SCRG1: variants seen among roughly 807,000 people sequenced by gnomAD.
The protein encoded by SCRG1 is stimulator of chondrogenesis 1.
A neutral mutation model predicts 7.7 loss-of-function variants in SCRG1; 3 were observed. The observed-to-expected ratio is 0.39, with a 90% CI of 0.18 to 1.01. The LOEUF (loss-of-function observed/expected upper bound fraction) is 1.01, where lower values mean the gene tolerates loss of function less well. SCRG1 is among the 50% of genes least tolerant of loss of function. SCRG1 has a pLI of 0.36. For synonymous variants in SCRG1, 46 were observed against 41.2 expected (o/e 1.12, Z -0.44); for missense variants, 110 against 117.2 (o/e 0.94, Z 0.28).
At chr4:173,437,397 C>T in the SCRG1 span, among the ~76,000 whole-genome samples, 11 of 152,284 alleles carry the variant, frequency 7.2e-5, no homozygotes, top group Non-Finnish European at 1.0e-4. Flanking sequence ...CAGTACTTAA[C>T]GCAATAACTT....
At chr4:173,484,947 A>ATT in the SCRG1 span, among the ~76,000 whole-genome samples, 2 of 62,872 alleles carry the variant, frequency 3.2e-5, no homozygotes, top group East Asian at 5.8e-4. Flanking sequence ...TATATATTAT[A>ATT]TATAATATTA....
the SCRG1 span, among the ~76,000 whole-genome samples, chr4:173,485,090 AT>A: frequency 2.6e-5 from 1 of 38,536 alleles, no homozygotes; most frequent in Non-Finnish European, 3.9e-5. Flanking sequence ...ATAATATATT[AT>A]ATATTATATA....
chr4:173,488,391 A>C, the SCRG1 span, among the ~76,000 whole-genome samples: 1 of 152,152 alleles, frequency 6.6e-6, no homozygotes, highest in Non-Finnish European at 1.5e-5. Context: ...ATGGGCATGC[A>C]GGGGGAAATC....
chr4:173,439,443 AG>A, the SCRG1 span, among the ~76,000 whole-genome samples: 1 of 151,926 alleles, frequency 6.6e-6, no homozygotes, highest in Non-Finnish European at 1.5e-5. Context: ...TGGGCCTGAG[AG>A]GTCAAGGCTG....
Position 173,388,251 on chromosome 4 carries a change from C to A in SCRG1, c.*90G>T. Reference sequence around the variant, plus strand: ...AATTTATAGAATCTATGCTCTATTGCACTATATAGAAACTAGAAATGCAGT... The same window carrying A: ...AATTTATAGAATCTATGCTCTATTGAACTATATAGAAACTAGAAATGCAGT... On this transcript the variant is annotated 3_prime_UTR_variant, in exon 3 of 3. Transcript: ENST00000296506. The A allele has an allele frequency of 1.2e-6, 1 of 809,898 alleles. No individual in the cohort carries two copies. The highest frequency in any genetic ancestry group is 2.0e-6 in the Non-Finnish European group (1 of 495,732). 50.2% of individuals were successfully genotyped at this position (809,898 alleles called of 1,614,324 possible).
At chr4:173,437,659 T>C in the SCRG1 span, among the ~76,000 whole-genome samples, 2 of 152,188 alleles carry the variant, frequency 1.3e-5, no homozygotes, top group Non-Finnish European at 2.9e-5. Flanking sequence ...AAAAGCTGTA[T>C]CAGAAGCTAG....
chr4:173,494,372 C>T, the SCRG1 span, among the ~76,000 whole-genome samples: 1 of 152,222 alleles, frequency 6.6e-6, no homozygotes, highest in Non-Finnish European at 1.5e-5. Context: ...GCACACAGGA[C>T]ATTCCGTTTT....
chr4:173,421,694 T>C, the SCRG1 span, among the ~76,000 whole-genome samples: 1 of 152,214 alleles, frequency 6.6e-6, no homozygotes, highest in Admixed American at 6.5e-5. Flanking sequence ...AGATGCCATA[T>C]TTGAAAGGAT....
chr4:173,435,902 G>A, the SCRG1 span, among the ~76,000 whole-genome samples: 1 of 152,114 alleles, frequency 6.6e-6, no homozygotes, highest in African/African-American at 2.4e-5. Flanking sequence ...TAAGAATAAT[G>A]TGAATTTACA....
the SCRG1 span, among the ~76,000 whole-genome samples, chr4:173,459,726 T>A: frequency 6.6e-6 from 1 of 151,958 alleles, no homozygotes; most frequent in Non-Finnish European, 1.5e-5. Flanking sequence ...AGGTAGAAAG[T>A]AGGATGATGA....
At chr4:173,396,151 G>T (rs904038428) in intron 1 of SCRG1, among the ~76,000 whole-genome samples, 3 of 152,218 alleles carry the variant, frequency 2.0e-5, no homozygotes, top group Non-Finnish European at 4.4e-5. Context: ...GTTGTCATTT[G>T]TTGAACTGAG....
the SCRG1 span, among the ~76,000 whole-genome samples, chr4:173,461,615 A>G: frequency 9.2e-5 from 14 of 152,220 alleles, no homozygotes; most frequent in Non-Finnish European, 1.9e-4. Flanking sequence ...CTCAGATAGT[A>G]AAGACTACAA....
the SCRG1 span, among the ~76,000 whole-genome samples, chr4:173,483,249 C>CATATTTTATATATA: frequency 1.9e-5 from 1 of 52,246 alleles, no homozygotes; most frequent in African/African-American, 9.9e-5. Context: ...TATGATATAT[C>CATATTTTATATATA]ATATATGATA....
the SCRG1 span, among the ~76,000 whole-genome samples, chr4:173,425,357 G>T: frequency 4.1e-4 from 63 of 152,328 alleles, no homozygotes; most frequent in African/African-American, 1.5e-3. Flanking sequence ...TGTTCAAAAA[G>T]ATCACTGTAT....
At chr4:173,502,064 G>A in the SCRG1 span, among the ~76,000 whole-genome samples, 1 of 152,094 alleles carries the variant, frequency 6.6e-6, no homozygotes, top group Non-Finnish European at 1.5e-5. The surrounding 1 kb of genome is among the most constrained non-coding windows in gnomAD (Gnocchi z 4.6). Context: ...ATTACTTCTC[G>A]TGCTGCACTT....
the SCRG1 span, among the ~76,000 whole-genome samples, chr4:173,445,187 A>G: frequency 6.6e-5 from 10 of 152,234 alleles, no homozygotes; most frequent in Non-Finnish European, 1.2e-4. Flanking sequence ...CAATATAATT[A>G]GCTACTCCAA....
At chr4:173,503,144 C>T in the SCRG1 span, among the ~76,000 whole-genome samples, 2 of 152,140 alleles carry the variant, frequency 1.3e-5, no homozygotes, top group Non-Finnish European at 2.9e-5. The surrounding 1 kb of genome is among the most constrained non-coding windows in gnomAD (Gnocchi z 6.4). Flanking sequence ...GTCCACCTCT[C>T]GGTTTAGGCC....
chr4:173,469,033 A>T, the SCRG1 span: 1 of 152,204 alleles, frequency 6.6e-6, no homozygotes, highest in Middle Eastern at 3.2e-3. Context: ...GCAGTGATCC[A>T]AGTAACTTAA....
At chr4:173,403,356 A>T (rs1416757023), upstream of SCRG1, 3 of 152,150 alleles carry the variant, frequency 2.0e-5, no homozygotes, top group Non-Finnish European at 4.4e-5. Flanking sequence ...CAGATGGGCA[A>T]CCCTGGCTAT....
Sources: allele counts gnomAD v4.1 joint callset (sites outside exome capture counted in the v4.1 genomes callset), GRCh38; gene constraint gnomAD v4.1.1; non-coding constraint Gnocchi (gnomAD v3.1); transcripts MANE v1.5; gene names NCBI Gene and HGNC (gene_info 2026-07-23, HGNC 2026-07-21).